The following ZPBP variants were observed in gnomAD, a reference collection of about 807,000 sequenced individuals.
ZPBP encodes zona pellucida-binding protein 1.
In ZPBP, 26 loss-of-function variants were observed where a neutral mutation model predicts 44.8. The observed-to-expected ratio is 0.58, with a 90% CI of 0.43 to 0.81. The LOEUF is 0.81. Ranked by LOEUF, ZPBP falls within the 30% of genes least tolerant of loss-of-function variation. ZPBP has a pLI of 0.00. For synonymous variants in ZPBP, 174 were observed against 153.2 expected (o/e 1.14, Z -1.00); for missense variants, 409 against 434.0 (o/e 0.94, Z 0.51).
chr7:50,044,995 A>G (rs1800275960), intron 4 of ZPBP, among the ~76,000 whole-genome samples: 1 of 152,240 alleles, frequency 6.6e-6, no homozygotes, highest in Non-Finnish European at 1.5e-5. Flanking sequence ...CTGGTTCAAC[A>G]TACTCAAATC....
rs148374118 is a variant in ZPBP, at chr7:49,928,694, C to T, written n.411+7057G>A. The stretch of plus-strand genomic sequence containing the variant: ...TGTGCAACTTACCACTCCCTCGGGA[C>T]CTGCTTGAGCCCAATCTTGTACACA... On this transcript the variant is annotated intron_variant and non_coding_transcript_variant, in intron 1 of 2. Transcript: ENST00000465922. Among the ~76,000 whole-genome samples, 752 of 152,234 alleles carry T rather than the reference C, an allele frequency of 4.9e-3. 5 individuals are homozygous for T. Among genetic ancestry groups the T allele is most frequent in the Middle Eastern group, 0.017 (5 of 294 alleles).
chr7:50,012,433 C>G (rs967026380), intron 6 of ZPBP, among the ~76,000 whole-genome samples: 2 of 151,816 alleles, frequency 1.3e-5, no homozygotes, highest in African/African-American at 4.8e-5. Flanking sequence ...AGTTACAAGT[C>G]ATTTTGCAAG....
At position 49,979,196 on chromosome 7, in the gene ZPBP, C is replaced by A. The variant is rs576512085; in HGVS notation, c.961+4146G>T. 1.8e-4 allele frequency among the ~76,000 whole-genome samples: 28 copies of A among 152,014 alleles called. 1 individual carries two copies. In the South Asian group the frequency reaches 5.2e-3, roughly 28 times the overall value. Reference sequence around the variant, plus strand: ...CAAAGTAACTTCCTCAAGACTCAAACACAAGTCTCACCGAGAAAGCCGTAT... The same window carrying A: ...CAAAGTAACTTCCTCAAGACTCAAAAACAAGTCTCACCGAGAAAGCCGTAT... On this transcript the variant is annotated intron_variant, in intron 7 of 7. Transcript: ENST00000046087.
chr7:49,930,918 G>A (rs1369921853), intron 1 of ZPBP, among the ~76,000 whole-genome samples: 3 of 152,354 alleles, frequency 2.0e-5, no homozygotes, highest in East Asian at 3.9e-4. Flanking sequence ...TTCCCCACAT[G>A]TTGTGGGAGG....
downstream of ZPBP, among the ~76,000 whole-genome samples, chr7:49,850,201 G>C (rs932841873): frequency 1.3e-5 from 2 of 152,218 alleles, no homozygotes; most frequent in Non-Finnish European, 2.9e-5. Flanking sequence ...TGGTCAGATA[G>C]GGTCTGTCAT....
At chr7:50,056,806 T>A (rs1313561264) in intron 4 of ZPBP, among the ~76,000 whole-genome samples, 3 of 152,054 alleles carry the variant, frequency 2.0e-5, no homozygotes, top group Non-Finnish European at 4.4e-5. Flanking sequence ...AAAACACAGA[T>A]AAGACAGCTG....
At chr7:49,961,763 T>C (rs144364145) in intron 7 of ZPBP, among the ~76,000 whole-genome samples, 23 of 152,170 alleles carry the variant, frequency 1.5e-4, no homozygotes, top group African/African-American at 5.5e-4. Context: ...ATAATGGATA[T>C]AACTGAGGAG....
At chr7:49,939,237 G>A (rs1183449079) in intron 7 of ZPBP, among the ~76,000 whole-genome samples, 1 of 152,086 alleles carries the variant, frequency 6.6e-6, no homozygotes, top group Non-Finnish European at 1.5e-5. Flanking sequence ...ATGCAGAAGA[G>A]AAATCTGCAT....
intron 7 of ZPBP, among the ~76,000 whole-genome samples, chr7:49,972,335 A>C (rs1444677558): frequency 6.6e-6 from 1 of 151,950 alleles, no homozygotes; most frequent in African/African-American, 2.4e-5. Context: ...TTTTGTATAA[A>C]TCCTCAAGAT....
chr7:49,884,600 T>G (rs1791816027), intron 2 of ZPBP, among the ~76,000 whole-genome samples: 1 of 152,142 alleles, frequency 6.6e-6, no homozygotes, highest in South Asian at 2.1e-4. Context: ...GTGGGTCAAT[T>G]TCTATGTCTA....
chr7:49,943,365 A>G, intron 7 of ZPBP: 1 of 353,494 alleles, frequency 2.8e-6, no homozygotes, highest in South Asian at 2.5e-5. Flanking sequence ...TCAATGAAGC[A>G]TAACCAACAT....
downstream of ZPBP, among the ~76,000 whole-genome samples, chr7:49,845,841 C>CAGGA (rs1459527116): frequency 2.0e-5 from 3 of 152,278 alleles, no homozygotes; most frequent in East Asian, 5.8e-4. Context: ...AACAGCAATG[C>CAGGA]AGGAAGGAAG....
chr7:50,043,952 G>A lies in ZPBP; in HGVS notation c.488-12642C>T, dbSNP rs530671938. On this transcript the variant is annotated intron_variant, in intron 4 of 7. Coordinates refer to ENST00000046087, the MANE Select transcript of ZPBP (RefSeq NM_007009.3). ...CAGCAAATGCAAAAGAATAGAAATTGTAACAAATAGTCTCTCAGACCACAG... is the reference window on the plus strand; with the variant it reads ...CAGCAAATGCAAAAGAATAGAAATTATAACAAATAGTCTCTCAGACCACAG... 4.6e-5 allele frequency among the ~76,000 whole-genome samples: 7 copies of A among 152,152 alleles called. No homozygotes were observed. The South Asian group carries it at 1.0e-3, about 23-fold the overall frequency.
chr7:49,964,073 C>T (rs7792222), intron 7 of ZPBP, among the ~76,000 whole-genome samples: 113,523 of 151,580 alleles, frequency 0.75, 42,739 homozygotes, highest in East Asian at 0.89. Flanking sequence ...TAGAGAAAAG[C>T]ATTTAACAAA....
rs1472622023 is a variant in ZPBP, at chr7:49,877,503, T to C, written n.509+23615A>G. Among the ~76,000 whole-genome samples the C allele has an allele frequency of 2.3e-4, 22 of 93,678 alleles. 3 individuals are homozygous for C. The highest frequency in any genetic ancestry group is 3.9e-4 in the East Asian group (1 of 2,594). 61.5% of individuals were successfully genotyped at this position (93,678 alleles called of 152,430 possible). On this transcript the variant is annotated intron_variant and non_coding_transcript_variant, in intron 2 of 2. Coordinates refer to the ZPBP transcript ENST00000465922. The stretch of plus-strand genomic sequence containing the variant: ...AAAAATATATATATATATATATATA[T>C]ATATATATATATATAGTTATTTGGT...
intron 5 of ZPBP, among the ~76,000 whole-genome samples, chr7:50,029,879 A>G (rs893122138): frequency 7.9e-5 from 12 of 151,886 alleles, no homozygotes; most frequent in African/African-American, 2.9e-4. Flanking sequence ...TTCTTTTAAC[A>G]GATTCTCACT....
intron 7 of ZPBP, among the ~76,000 whole-genome samples, chr7:49,981,650 C>A (rs1398599667): frequency 0.032 from 1,210 of 37,800 alleles, 331 homozygotes; most frequent in African/African-American, 0.1. Context: ...TATATAATAT[C>A]TTGATATAAA....
chr7:49,962,739 C>A (rs1194571819), intron 7 of ZPBP, among the ~76,000 whole-genome samples: 1 of 151,638 alleles, frequency 6.6e-6, no homozygotes, highest in Non-Finnish European at 1.5e-5. Flanking sequence ...TCCTAAAAAT[C>A]AAAAATAAAC....
intron 7 of ZPBP, among the ~76,000 whole-genome samples, chr7:49,951,308 T>C (rs1014922125): frequency 6.6e-6 from 1 of 151,690 alleles, no homozygotes; most frequent in Non-Finnish European, 1.5e-5. Context: ...GCAAAGCATA[T>C]ATTTGCTGAG....
Sources: gnomAD v4.1 joint callset for allele counts (sites outside exome capture counted in the v4.1 genomes callset) on GRCh38, gnomAD v4.1.1 for gene constraint, MANE v1.5 for transcripts, NCBI Gene and HGNC (gene_info 2026-07-23, HGNC 2026-07-21) for gene names.